TUSC3: variants seen among roughly 807,000 people sequenced by gnomAD.
TUSC3 encodes dolichyl-diphosphooligosaccharide--protein glycosyltransferase subunit TUSC3.
TUSC3 carries 45 observed loss-of-function variants against 44.8 expected under a neutral mutation model. That is an observed-to-expected ratio of 1.00 (90% CI 0.79 to 1.29). The LOEUF (loss-of-function observed/expected upper bound fraction) is 1.29, where lower values mean the gene tolerates loss of function less well. Among genes scored for constraint, TUSC3 ranks in the 50% most tolerant of loss-of-function variants. TUSC3 has a pLI of 0.00. For missense variants in TUSC3, 519 were observed against 437.9 expected (o/e 1.19, Z -1.65); for synonymous variants, 212 against 152.9 (o/e 1.39, Z -2.85).
chr8:15,495,217 T>C (rs969040176), intron 2 of TUSC3, among the ~76,000 whole-genome samples: 4 of 152,176 alleles, frequency 2.6e-5, no homozygotes, highest in African/African-American at 7.2e-5. Flanking sequence ...GTGGCCTCAA[T>C]TTTTGCCATC....
chr8:15,820,475 A>C, the TUSC3 span, among the ~76,000 whole-genome samples: 1,138 of 152,150 alleles, frequency 7.5e-3, 11 homozygotes, highest in Non-Finnish European at 0.013. Context: ...GCACACCACC[A>C]CGCCCAGCTA....
chr8:15,534,369 C>G (rs6981199), intron 2 of TUSC3, among the ~76,000 whole-genome samples: 1 of 152,038 alleles, frequency 6.6e-6, no homozygotes, highest in Non-Finnish European at 1.5e-5. Context: ...CCGGGCTGGG[C>G]GCGGTGACGC....
At chr8:15,569,272 G>A (rs756445202) in intron 1 of TUSC3, among the ~76,000 whole-genome samples, 19 of 152,076 alleles carry the variant, frequency 1.2e-4, no homozygotes, top group African/African-American at 2.2e-4. Flanking sequence ...ACTGTTCTGC[G>A]TCTATATCTC....
chr8:15,581,643 CAGG>C (rs1327167419), intron 1 of TUSC3, among the ~76,000 whole-genome samples: 10 of 149,694 alleles, frequency 6.7e-5, no homozygotes, highest in South Asian at 2.1e-4. Flanking sequence ...GGTCAGGGGT[CAGG>C]GACCCACTTG....
At chr8:15,787,052 G>C in the TUSC3 span, among the ~76,000 whole-genome samples, 1 of 151,228 alleles carries the variant, frequency 6.6e-6, no homozygotes, top group Non-Finnish European at 1.5e-5. Context: ...TATATTCAAT[G>C]CTTTTTATGT....
chr8:15,582,825 T>A (rs1803429399), intron 1 of TUSC3, among the ~76,000 whole-genome samples: 1 of 152,232 alleles, frequency 6.6e-6, no homozygotes, highest in Admixed American at 6.5e-5. Flanking sequence ...AGAACTTTAC[T>A]AGAGCCAGTG....
intron 2 of TUSC3, among the ~76,000 whole-genome samples, chr8:15,519,769 A>G (rs1000708661): frequency 6.6e-5 from 10 of 152,198 alleles, no homozygotes; most frequent in Non-Finnish European, 1.3e-4. Flanking sequence ...AAGTAATTAT[A>G]TAATTGTAGA....
the TUSC3 span, among the ~76,000 whole-genome samples, chr8:15,828,619 A>G: frequency 1.3e-5 from 2 of 152,254 alleles, no homozygotes; most frequent in African/African-American, 2.4e-5. Flanking sequence ...TTTTGGATCA[A>G]GAAAGAATAA....
At chr8:15,516,754 T>C (rs1801221186) in intron 2 of TUSC3, among the ~76,000 whole-genome samples, 1 of 152,182 alleles carries the variant, frequency 6.6e-6, no homozygotes, top group Admixed American at 6.5e-5. Flanking sequence ...CCTGTAATGT[T>C]TGTTGAAGAA....
downstream of TUSC3, among the ~76,000 whole-genome samples, chr8:15,767,444 AAAC>A (rs550358304): frequency 6.0e-4 from 91 of 152,160 alleles, 1 homozygote; most frequent in African/African-American, 2.0e-3. Context: ...GAAAAAAAAA[AAAC>A]ACTGTCACAT....
intron 1 of TUSC3, among the ~76,000 whole-genome samples, chr8:15,431,641 C>G (rs1160198726): frequency 6.8e-6 from 1 of 146,766 alleles, no homozygotes; most frequent in South Asian, 2.1e-4. Flanking sequence ...TTGCTTCTTC[C>G]TTTCTGATTT....
At chr8:15,648,554 G>A (rs1235869185) in intron 2 of TUSC3, among the ~76,000 whole-genome samples, 1 of 151,462 alleles carries the variant, frequency 6.6e-6, no homozygotes, top group Admixed American at 6.6e-5. Context: ...GTGAAACCCT[G>A]TTTCTACTAA....
chr8:15,670,303 C>G (rs1372171375), intron 5 of TUSC3, among the ~76,000 whole-genome samples: 1 of 151,734 alleles, frequency 6.6e-6, no homozygotes, highest in East Asian at 1.9e-4. Flanking sequence ...CTTACACTTA[C>G]AGATATCAAC....
At position 15,623,101 on chromosome 8, in the gene TUSC3, G is replaced by A; in HGVS notation, c.160G>A (p.Glu54Lys). 4.3e-6 allele frequency: 7 copies of A among 1,613,756 alleles called. No individual in the cohort carries two copies. Among genetic ancestry groups the A allele is most frequent in the East Asian group, 2.2e-5 (1 of 44,854 alleles). ...GCAGAATCTTTTAGCTGAAAAAGTA[G>A]AGCAGCTGATGGAATGGAGTTCCAG... is the stretch of plus-strand genomic sequence containing the variant. ...KKENLLAEKVEQLMEWSSRRS... is the reference protein window; with the variant it reads ...KKENLLAEKVKQLMEWSSRRS... The change falls in exon 2 of 11, where the codon GAG becomes AAG. Residue 54 changes from glutamate to lysine, a missense_variant. By Grantham distance (56) the Glu-to-Lys change is moderately conservative. Transcript: ENST00000503731.
At chr8:15,590,238 C>G (rs929623549) in intron 1 of TUSC3, among the ~76,000 whole-genome samples, 1 of 152,114 alleles carries the variant, frequency 6.6e-6, no homozygotes, top group South Asian at 2.1e-4. Flanking sequence ...GGTTTCAGGC[C>G]TTTATGTCTT....
the TUSC3 span, among the ~76,000 whole-genome samples, chr8:15,792,137 C>T: frequency 2.5e-4 from 38 of 152,108 alleles, no homozygotes; most frequent in Non-Finnish European, 4.9e-4. Flanking sequence ...CACACACACA[C>T]ACACACACCC....
chr8:15,651,701 G>C (rs1489322368), intron 3 of TUSC3, among the ~76,000 whole-genome samples: 1 of 152,130 alleles, frequency 6.6e-6, no homozygotes, highest in Non-Finnish European at 1.5e-5. Flanking sequence ...TCAGAACTGT[G>C]AAAAATAAAT....
At position 15,532,128 on chromosome 8, in the gene TUSC3, G is replaced by A. The variant is rs138598983; in HGVS notation, n.189+48645G>A. 4.9e-3 allele frequency among the ~76,000 whole-genome samples: 747 copies of A among 152,074 alleles called. 7 individuals are homozygous for A. Among genetic ancestry groups the A allele is most frequent in the Middle Eastern group, 0.01 (3 of 294 alleles). The stretch of plus-strand genomic sequence containing the variant: ...TTTCCTTGCAGATAGGAGATAACTA[G>A]CTTAGTATACTGATAATTTAATATT... On this transcript the variant is annotated intron_variant and non_coding_transcript_variant, in intron 2 of 5. Transcript: ENST00000503191.
the TUSC3 span, among the ~76,000 whole-genome samples, chr8:15,792,449 A>G: frequency 6.6e-6 from 1 of 152,316 alleles, no homozygotes; most frequent in Middle Eastern, 3.4e-3. Flanking sequence ...CTTCTCACCT[A>G]TACTGACAGT....
Sources: gnomAD v4.1 joint callset for allele counts (sites outside exome capture counted in the v4.1 genomes callset) on GRCh38, gnomAD v4.1.1 for gene constraint, MANE v1.5 for transcripts, NCBI Gene and HGNC (gene_info 2026-07-23, HGNC 2026-07-21) for gene names.